Variants in CLEC16A observed in about 807,000 individuals in gnomAD.
CLEC16A encodes C-type lectin domain containing 16A.
A neutral mutation model predicts 109.5 loss-of-function variants in CLEC16A; 51 were observed. The observed-to-expected ratio is 0.47, with a 90% CI of 0.37 to 0.59. The LOEUF is 0.59. Ranked by LOEUF, CLEC16A falls within the 20% of genes least tolerant of loss-of-function variation. CLEC16A has a pLI of 0.00. For missense variants in CLEC16A, 1,339 were observed against 1,394.0 expected (o/e 0.96, Z 0.63); for synonymous variants, 673 against 564.2 (o/e 1.19, Z -2.73).
chr16:10,956,379 G>A (rs1354498051), intron 1 of CLEC16A, among the ~76,000 whole-genome samples: 1 of 152,176 alleles, frequency 6.6e-6, no homozygotes, highest in African/African-American at 2.4e-5. Flanking sequence ...TTTAGAGATT[G>A]TAGATGGGAC....
chr16:11,056,698 T>C (rs900713149), intron 18 of CLEC16A: 4 of 152,258 alleles, frequency 2.6e-5, no homozygotes, highest in Non-Finnish European at 5.9e-5. Context: ...TTTTTCGATG[T>C]GTATTATACA....
intron 19 of CLEC16A, among the ~76,000 whole-genome samples, chr16:11,090,495 G>A (rs79534088): frequency 0.07 from 10,619 of 152,144 alleles, 382 homozygotes; most frequent in East Asian, 0.12. Context: ...CAGCATTGCC[G>A]GGGAGCCTGT....
chr16:10,962,338 C>A (rs1016405161), intron 2 of CLEC16A, 117 bp from the exon 3 acceptor site: 4 of 1,219,766 alleles, frequency 3.3e-6, no homozygotes, highest in Non-Finnish European at 3.6e-6. Flanking sequence ...ATGACCTGTG[C>A]AGATACCTTG....
intron 19 of CLEC16A, among the ~76,000 whole-genome samples, chr16:11,088,285 C>G (rs1357610605): frequency 6.6e-6 from 1 of 152,204 alleles, no homozygotes; most frequent in Non-Finnish European, 1.5e-5. Context: ...GTCACATGAC[C>G]AGCCCAAGCA....
At chr16:11,117,181 A>T (rs1380395345) in intron 19 of CLEC16A, among the ~76,000 whole-genome samples, 2 of 152,238 alleles carry the variant, frequency 1.3e-5, no homozygotes, top group Non-Finnish European at 2.9e-5. Context: ...TGCCAAAGGC[A>T]GGGGGGTGAC....
At chr16:11,113,286 G>A (rs1473024792) in intron 19 of CLEC16A, among the ~76,000 whole-genome samples, 1 of 152,210 alleles carries the variant, frequency 6.6e-6, no homozygotes, top group East Asian at 1.9e-4. Flanking sequence ...GAGTCCCTTT[G>A]TGTAAAGCTG....
chr16:10,982,837 G>A (rs771241445), intron 9 of CLEC16A, 41 bp from the exon 10 acceptor site: 44 of 1,184,814 alleles, frequency 3.7e-5, no homozygotes, highest in African/African-American at 1.8e-4. Flanking sequence ...TGAAAATACC[G>A]CACACTTTCA....
chr16:11,107,051 A>C (rs913362925), intron 19 of CLEC16A, among the ~76,000 whole-genome samples: 2 of 152,218 alleles, frequency 1.3e-5, no homozygotes, highest in African/African-American at 4.8e-5. Context: ...TGGTGTGGGC[A>C]GAGGGGTGTG....
rs531588443 is a variant in CLEC16A at position 11,027,094 on chromosome 16, A to G, written c.1537+2173A>G. 29 of 1,535,788 alleles carry G rather than the reference A, an allele frequency of 1.9e-5. No individual in the cohort carries two copies. The Admixed American group carries it at 2.8e-4, about 15-fold the overall frequency. ...CTCCTGAAAAAGAGGAAGGCTTATC[A>G]GGCACTCAAAGCCACCCAGGCAAAG... is the stretch of plus-strand genomic sequence containing the variant. On this transcript the variant is annotated intron_variant, in intron 13 of 23. Coordinates refer to ENST00000409790, the MANE Select transcript of CLEC16A (RefSeq NM_015226.3).
At chr16:11,057,828 T>C (rs1447120510) in intron 18 of CLEC16A, among the ~76,000 whole-genome samples, 2 of 152,202 alleles carry the variant, frequency 1.3e-5, no homozygotes, top group Non-Finnish European at 2.9e-5. Flanking sequence ...TGGAATCTAG[T>C]TATTCACTAA....
rs1339210660 is a variant in CLEC16A, at chr16:11,120,884, A to G, written c.2268+118A>G. ...TATCATTAATTTGTAGTGATATTAT[A>G]CAAGGTATATGTGAACAAATTGTCA... On this transcript the variant is annotated intron_variant, in intron 20 of 23. Coordinates refer to ENST00000409790, the MANE Select transcript of CLEC16A (RefSeq NM_015226.3). The G allele has an allele frequency of 6.5e-6, 7 of 1,075,192 alleles. No homozygotes were observed. In the East Asian group the frequency reaches 1.5e-4, roughly 23 times the overall value. 66.6% of individuals were successfully genotyped at this position (1,075,192 alleles called of 1,614,324 possible).
intron 10 of CLEC16A, among the ~76,000 whole-genome samples, chr16:10,989,865 G>A (rs183816885): frequency 9.8e-4 from 149 of 152,324 alleles, no homozygotes; most frequent in Non-Finnish European, 1.8e-3. Context: ...TCCCCTGGTC[G>A]CTGCTGCAGG....
chr16:10,973,886 G>GTTTTT (rs2042913141), intron 7 of CLEC16A, among the ~76,000 whole-genome samples: 1 of 74,916 alleles, frequency 1.3e-5, no homozygotes, highest in Admixed American at 1.4e-4. Context: ...GGGGCTGCTT[G>GTTTTT]CTTTTTTTTT....
intron 19 of CLEC16A, among the ~76,000 whole-genome samples, chr16:11,114,572 G>C (rs1162795169): frequency 2.0e-5 from 3 of 152,172 alleles, no homozygotes; most frequent in Non-Finnish European, 4.4e-5. Context: ...CATGCATGAA[G>C]CCTGCAGGCA....
At chr16:11,059,383 C>T (rs1361139689) in intron 18 of CLEC16A, among the ~76,000 whole-genome samples, 1 of 152,162 alleles carries the variant, frequency 6.6e-6, no homozygotes, top group African/African-American at 2.4e-5. Context: ...TTCTGGTTTA[C>T]AGAGGACTGC....
intron 23 of CLEC16A, among the ~76,000 whole-genome samples, chr16:11,176,514 ATTGC>A: frequency 6.6e-6 from 1 of 152,278 alleles, no homozygotes; most frequent in Non-Finnish European, 1.5e-5. Flanking sequence ...AAGCAGAAGG[ATTGC>A]TTGAGCCCAG....
chr16:10,967,919 C>T (rs971581509), intron 3 of CLEC16A, among the ~76,000 whole-genome samples: 2 of 147,494 alleles, frequency 1.4e-5, no homozygotes, highest in Non-Finnish European at 3.0e-5. Flanking sequence ...GCTGGGCCCA[C>T]CCCTGGAGAT....
chr16:11,071,753 ATTTT>A lies in CLEC16A; in HGVS notation c.2116+10754_2116+10757del, dbSNP rs71136611. Among the ~76,000 whole-genome samples the A allele has an allele frequency of 1.8e-3, 108 of 61,280 alleles. 1 individual carries two copies. The highest frequency in any genetic ancestry group is 7.7e-3 in the African/African-American group (101 of 13,190). 40.2% of individuals were successfully genotyped at this position (61,280 alleles called of 152,430 possible). On this transcript the variant is annotated intron_variant, in intron 19 of 23. Coordinates refer to ENST00000409790, the MANE Select transcript of CLEC16A (RefSeq NM_015226.3). ...AGATGTGCACCACCACACCTGGCTG[ATTTT>A]TTTTTTTTTTTTTTTTTTTTTTAAG...
intron 22 of CLEC16A, among the ~76,000 whole-genome samples, chr16:11,133,829 C>T (rs1268672580): frequency 6.6e-6 from 1 of 152,194 alleles, no homozygotes; most frequent in South Asian, 2.1e-4. Context: ...CCTGGGGCTT[C>T]CTCCAGCTTC....
Sources: allele counts gnomAD v4.1 joint callset (sites outside exome capture counted in the v4.1 genomes callset), GRCh38; gene constraint gnomAD v4.1.1; transcripts MANE v1.5; gene names NCBI Gene and HGNC (gene_info 2026-07-23, HGNC 2026-07-21).